Variants in PHC3 observed in about 807,000 individuals in gnomAD.
The protein encoded by PHC3 is polyhomeotic-like protein 3.
Under a neutral mutation model 107.4 loss-of-function variants are expected in PHC3, and 13 were observed. The observed-to-expected ratio is 0.12, with a 90% confidence interval of 0.08 to 0.19. The LOEUF (loss-of-function observed/expected upper bound fraction) is 0.19, where lower values mean the gene tolerates loss of function less well. Among genes scored for constraint, PHC3 ranks in the 10% least tolerant of loss-of-function variants. The pLI is 1.00. For missense variants in PHC3, 992 were observed against 1,210.9 expected (o/e 0.82, Z 2.68); for synonymous variants, 456 against 427.4 (o/e 1.07, Z -0.83).
chr3:170,179,501 A>G (rs917942106), intron 1 of PHC3, among the ~76,000 whole-genome samples: 9 of 152,226 alleles, frequency 5.9e-5, no homozygotes, highest in Non-Finnish European at 8.8e-5. Context: ...TCCCCTAATC[A>G]GTCTACAACG....
chr3:170,152,181 G>GT (rs1388355187), intron 4 of PHC3, among the ~76,000 whole-genome samples: 3 of 150,864 alleles, frequency 2.0e-5, no homozygotes, highest in Non-Finnish European at 4.4e-5. Flanking sequence ...GTTTTGTTTT[G>GT]TTTTTTTGAG....
Position 170,097,190 on chromosome 3 carries a change from A to G in PHC3, c.*40T>C, listed in dbSNP as rs1398508448. On this transcript the variant is annotated 3_prime_UTR_variant, in exon 15 of 15. Transcript: ENST00000495893. The surrounding 1 kb of genome is among the most constrained non-coding windows in gnomAD (Gnocchi z 4.1). ...CCTTTACCTTACAAGTTTTTGTGAGAAAAGTAAAACTGCTGTTTTATCAAG... is the reference window on the plus strand; with the variant it reads ...CCTTTACCTTACAAGTTTTTGTGAGGAAAGTAAAACTGCTGTTTTATCAAG... The G allele has an allele frequency of 6.4e-7, 1 of 1,555,380 alleles. No homozygotes were observed. Among genetic ancestry groups the G allele is most frequent in the East Asian group, 2.3e-5 (1 of 44,292 alleles).
chr3:170,106,050 A>G (rs988003130), intron 12 of PHC3, among the ~76,000 whole-genome samples: 17 of 152,098 alleles, frequency 1.1e-4, no homozygotes, highest in African/African-American at 1.7e-4. Context: ...CATCTCTACT[A>G]AAAATACAAA....
At chr3:170,133,903 G>A (rs1377446696) in intron 7 of PHC3, among the ~76,000 whole-genome samples, 1 of 152,052 alleles carries the variant, frequency 6.6e-6, no homozygotes, top group Admixed American at 6.6e-5. Context: ...AAGAGTTCCC[G>A]GCTTTCTCTG....
chr3:170,146,534 T>C (rs1322038905), intron 5 of PHC3, among the ~76,000 whole-genome samples: 1 of 136,790 alleles, frequency 7.3e-6, no homozygotes, highest in Non-Finnish European at 1.5e-5. Flanking sequence ...CTTTTCTTTT[T>C]CTTTTTTTTT....
At chr3:170,121,923 G>T (rs1720426990) in intron 9 of PHC3, among the ~76,000 whole-genome samples, 1 of 152,246 alleles carries the variant, frequency 6.6e-6, no homozygotes, top group South Asian at 2.1e-4. Context: ...GGATGGTACT[G>T]AACAATTTAT....
At chr3:170,105,621 C>T (rs1440059821) in intron 12 of PHC3, among the ~76,000 whole-genome samples, 2 of 152,114 alleles carry the variant, frequency 1.3e-5, no homozygotes, top group Non-Finnish European at 2.9e-5. Context: ...CTTGGGATAT[C>T]CACATCTTAA....
At chr3:170,160,619 G>C (rs1727725681) in intron 4 of PHC3, among the ~76,000 whole-genome samples, 2 of 152,196 alleles carry the variant, frequency 1.3e-5, no homozygotes, top group Admixed American at 6.5e-5. Context: ...ATTAACATTA[G>C]GTCGGGCATG....
chr3:170,129,490 GTGAA>G lies in PHC3; in HGVS notation c.978_981del (p.Ser327HisfsTer10). 1 of 1,613,782 alleles carries G rather than the reference GTGAA, an allele frequency of 6.2e-7. No homozygotes were observed. Among genetic ancestry groups the G allele is most frequent in the Non-Finnish European group, 8.5e-7 (1 of 1,179,744 alleles). On this transcript the variant is annotated frameshift_variant, in exon 8 of 15. Coordinates refer to ENST00000495893, the MANE Select transcript of PHC3 (RefSeq NM_024947.4). LOFTEE classifies it high-confidence loss of function. ...TGATGATGGGAAACTTTGGAAGGTGGTGAATGAAGAGGAATCTGCTGATGTTTTA... is the reference window on the plus strand; with the variant it reads ...TGATGATGGGAAACTTTGGAAGGTGGTGAAGAGGAATCTGCTGATGTTTTA...
In PHC3 at chr3:170,123,491, C is replaced by CT. The variant is rs1371675145; in HGVS notation, c.1789-748dup. Among the ~76,000 whole-genome samples, 5 of 152,050 alleles carry CT rather than the reference C, an allele frequency of 3.3e-5. No homozygotes were observed. In the East Asian group the frequency reaches 9.7e-4, roughly 30 times the overall value. ...TTGTTATCCAATTGTAAAGATTATA[C>CT]TTAAGAAGGAAAATGGGGCCAGGTG... On this transcript the variant is annotated intron_variant, in intron 8 of 14. Coordinates refer to ENST00000495893, the MANE Select transcript of PHC3 (RefSeq NM_024947.4).
Position 170,095,181 on chromosome 3 carries a change from T to C in PHC3, c.*2049A>G, listed in dbSNP as rs1182858820. Reference sequence around the variant, plus strand: ...CAAGCATATGACAATTCTGTCATGATGATTAACTGCTAATAAATGAAAACT... The same window carrying C: ...CAAGCATATGACAATTCTGTCATGACGATTAACTGCTAATAAATGAAAACT... On this transcript the variant is annotated 3_prime_UTR_variant, in exon 15 of 15. Transcript: ENST00000495893. 6.6e-6 allele frequency: 1 copy of C among 152,178 alleles called. No homozygotes were observed. Among genetic ancestry groups the C allele is most frequent in the Non-Finnish European group, 1.5e-5 (1 of 68,014 alleles). The allele number at this position is 152,178 out of a possible 1,614,324, so 9.4% of individuals were successfully genotyped here. A position where few individuals can be genotyped will look rare whatever the true frequency, so the allele number is the denominator to read the frequency against.
intron 12 of PHC3, 103 bp from the exon 13 acceptor site, chr3:170,103,037 A>C: frequency 9.0e-7 from 1 of 1,108,746 alleles, no homozygotes; most frequent in Non-Finnish European, 1.3e-6. Flanking sequence ...TAAGTACCAC[A>C]ATACATCATT....
intron 1 of PHC3, 58 bp downstream of exon 1, chr3:170,181,644 G>C: frequency 5.0e-6 from 8 of 1,612,120 alleles, no homozygotes; most frequent in Non-Finnish European, 5.1e-6. Flanking sequence ...GGGGGAACGT[G>C]TCGCTGCCCC....
intron 2 of PHC3, among the ~76,000 whole-genome samples, chr3:170,173,844 C>T (rs142513133): frequency 0.012 from 1,854 of 152,248 alleles, 40 homozygotes; most frequent in African/African-American, 0.042. Context: ...ACTTCATACT[C>T]TTCTATAGAT....
At position 170,089,914 on chromosome 3, in the gene PHC3, C is replaced by CAAAAAAAAAAAAAAGA. The variant is rs1199343927; in HGVS notation, c.*7300_*7315dup. 9.2e-5 allele frequency: 4 copies of CAAAAAAAAAAAAAAGA among 43,650 alleles called. No homozygotes were observed. Among genetic ancestry groups the CAAAAAAAAAAAAAAGA allele is most frequent in the Admixed American group, 2.8e-4 (1 of 3,552 alleles). The allele number at this position is 43,650 out of a possible 1,614,324, so 2.7% of individuals were successfully genotyped here. On this transcript the variant is annotated 3_prime_UTR_variant, in exon 15 of 15. Coordinates refer to ENST00000495893, the MANE Select transcript of PHC3 (RefSeq NM_024947.4). ...CCTGGGCAACAGAGCGAACCCATCT[C>CAAAAAAAAAAAAAAGA]AAAAAAAAAAAAAAGAAAAAAAAAA...
At chr3:170,136,244 C>A in intron 7 of PHC3, 175 bp downstream of exon 7, 2 of 679,214 alleles carry the variant, frequency 2.9e-6, no homozygotes, top group East Asian at 3.1e-5. Context: ...TTTATTTTAT[C>A]TTTTGGGCTT....
At chr3:170,112,584 C>T (rs1267570835) in intron 11 of PHC3, among the ~76,000 whole-genome samples, 2 of 146,380 alleles carry the variant, frequency 1.4e-5, no homozygotes, top group Non-Finnish European at 3.0e-5. Flanking sequence ...AGCACAGTGG[C>T]GCAATCTCAG....
chr3:170,141,573 GGTTT>G (rs1189418385), intron 6 of PHC3, among the ~76,000 whole-genome samples: 1 of 152,062 alleles, frequency 6.6e-6, no homozygotes, highest in African/African-American at 2.4e-5. Flanking sequence ...CTAAGCAGCT[GGTTT>G]GTTTGTTTCA....
In PHC3 at chr3:170,106,931, A is replaced by G. The variant is rs1716642593; in HGVS notation, c.2369T>C (p.Met790Thr). ...TTCACACTTGAGCAACTCACTGTCC[A>G]TTTCTTCTAATGTCTCTAAAAAAGA... ...DMIAEETLEE[M>T]DSELLKCEFC... Residue 790 changes from methionine (M) to threonine (T), a missense_variant, in exon 12 of 15, where the codon ATG becomes ACG. Physicochemically the swap from Met to Thr is moderately conservative, Grantham distance 81. Around this residue, in one of 6 missense-constraint regions of PHC3, gnomAD observed 228 missense variants for 288.8 expected, o/e 0.79. Transcript: ENST00000495893. 1 of 1,602,322 alleles carries G rather than the reference A, an allele frequency of 6.2e-7. No homozygotes were observed. Among genetic ancestry groups the G allele is most frequent in the South Asian group, 1.1e-5 (1 of 88,808 alleles).
Sources: allele counts gnomAD v4.1 joint callset (sites outside exome capture counted in the v4.1 genomes callset), GRCh38; gene constraint gnomAD v4.1.1; regional missense constraint gnomAD v4.1.1; non-coding constraint Gnocchi (gnomAD v3.1); transcripts MANE v1.5; gene names NCBI Gene and HGNC (gene_info 2026-07-23, HGNC 2026-07-21).